Variants in TMTC1 observed in about 807,000 individuals in gnomAD.
TMTC1 encodes protein O-mannosyl-transferase TMTC1.
Under a neutral mutation model 104.8 loss-of-function variants are expected in TMTC1, and 73 were observed. The observed-to-expected ratio is 0.70, with a 90% CI of 0.58 to 0.85. The LOEUF (loss-of-function observed/expected upper bound fraction) is 0.85. TMTC1 is among the 40% of genes least tolerant of loss of function. The probability of loss-of-function intolerance (pLI) is 0.00; values close to 1 mark genes in which losing one functional copy is unlikely to be tolerated. For missense variants in TMTC1, 1,035 were observed against 1,096.1 expected (o/e 0.94, Z 0.79); for synonymous variants, 434 against 428.7 (o/e 1.01, Z -0.15).
At chr12:29,623,121 T>C (rs11050322) in intron 6 of TMTC1, among the ~76,000 whole-genome samples, 47,679 of 152,084 alleles carry the variant, frequency 0.31, 7,649 homozygotes, top group South Asian at 0.44. Flanking sequence ...GTCTGCAATG[T>C]GTAATGGTGT....
chr12:29,770,254 GGTA>G (rs1252823568), intron 1 of TMTC1, among the ~76,000 whole-genome samples: 1 of 152,048 alleles, frequency 6.6e-6, no homozygotes, highest in Non-Finnish European at 1.5e-5. Context: ...ACTCTTATCA[GGTA>G]TTTAACATAT....
At position 29,549,441 on chromosome 12, in the gene TMTC1, C is replaced by A. The variant is rs1348444781; in HGVS notation, c.1676+7416G>T. On this transcript the variant is annotated intron_variant, in intron 10 of 17. Coordinates refer to ENST00000539277, the MANE Select transcript of TMTC1 (RefSeq NM_001193451.2). The stretch of plus-strand genomic sequence containing the variant: ...TTTCTGGGGTGATGGAAATTGTCTA[C>A]GTTATTTTGGGAATAATTATAAGAG... Among the ~76,000 whole-genome samples, 3 of 152,044 alleles carry A rather than the reference C, an allele frequency of 2.0e-5. No homozygotes were observed. The South Asian group carries it at 6.2e-4, about 32-fold the overall frequency.
At chr12:29,756,019 T>A in intron 3 of TMTC1, 134 bp from the exon 4 acceptor site, 1 of 900,496 alleles carries the variant, frequency 1.1e-6, no homozygotes, top group Non-Finnish European at 1.6e-6. Context: ...AGAGATTTCT[T>A]AAAGAGCCTT....
chr12:29,646,397 G>A (rs1355430569), intron 5 of TMTC1, among the ~76,000 whole-genome samples: 1 of 152,092 alleles, frequency 6.6e-6, no homozygotes, highest in Non-Finnish European at 1.5e-5. Context: ...AATGTTAGCA[G>A]AAAATAAAAG....
intron 3 of TMTC1, 31 bp downstream of exon 3, chr12:29,758,673 C>A (rs1243464976): frequency 6.2e-7 from 1 of 1,606,318 alleles, no homozygotes; most frequent in Non-Finnish European, 8.5e-7. Flanking sequence ...CAGTTGCGAT[C>A]ACAGAGAAGG....
At chr12:29,643,171 G>A (rs556544882) in intron 5 of TMTC1, among the ~76,000 whole-genome samples, 2 of 151,972 alleles carry the variant, frequency 1.3e-5, no homozygotes, top group Non-Finnish European at 2.9e-5. Context: ...GTGGTGAACA[G>A]GGAACACTTC....
intron 5 of TMTC1, among the ~76,000 whole-genome samples, chr12:29,671,031 C>G (rs1386514533): frequency 6.6e-6 from 1 of 151,000 alleles, no homozygotes; most frequent in African/African-American, 2.4e-5. Context: ...CAGTGGCTTA[C>G]GCCTGTAATC....
At chr12:29,541,983 T>C (rs1944813884) in intron 10 of TMTC1, among the ~76,000 whole-genome samples, 1 of 152,124 alleles carries the variant, frequency 6.6e-6, no homozygotes, top group Non-Finnish European at 1.5e-5. Flanking sequence ...ATCTAATAAT[T>C]ATCATACCTA....
chr12:29,661,593 ATT>A (rs1462817038), intron 5 of TMTC1, among the ~76,000 whole-genome samples: 2 of 51,628 alleles, frequency 3.9e-5, no homozygotes, highest in East Asian at 7.9e-4. Context: ...GTATTTTTGT[ATT>A]TTTAGTATTT....
At chr12:29,513,740 T>G (rs1018114732) in intron 16 of TMTC1, among the ~76,000 whole-genome samples, 8 of 152,228 alleles carry the variant, frequency 5.3e-5, no homozygotes, top group African/African-American at 1.9e-4. Context: ...ATAAGTTTTA[T>G]TCCAAAACCA....
At chr12:29,662,534 C>T (rs886073568) in intron 5 of TMTC1, among the ~76,000 whole-genome samples, 11 of 151,994 alleles carry the variant, frequency 7.2e-5, no homozygotes, top group Admixed American at 2.0e-4. Flanking sequence ...CCTGTAGTCC[C>T]AGCTACTCGG....
chr12:29,771,365 G>A (rs533466945), intron 1 of TMTC1, among the ~76,000 whole-genome samples: 1 of 152,226 alleles, frequency 6.6e-6, no homozygotes, highest in East Asian at 1.9e-4. Context: ...ATAGGTCATT[G>A]CCCTATGTAC....
intron 6 of TMTC1, among the ~76,000 whole-genome samples, chr12:29,627,481 G>C (rs534625757): frequency 6.6e-6 from 1 of 152,300 alleles, no homozygotes; most frequent in African/African-American, 2.4e-5. Flanking sequence ...TTGGGATGTA[G>C]AGAAATAGGA....
At chr12:29,623,703 C>T (rs1224291397) in intron 6 of TMTC1, among the ~76,000 whole-genome samples, 1 of 152,156 alleles carries the variant, frequency 6.6e-6, no homozygotes, top group Non-Finnish European at 1.5e-5. Flanking sequence ...ATTCCATCTA[C>T]TCAGGAGGCT....
intron 5 of TMTC1, among the ~76,000 whole-genome samples, chr12:29,699,649 CTTTTTTT>C (rs71444337): frequency 1.2e-5 from 1 of 86,876 alleles, no homozygotes; most frequent in East Asian, 3.6e-4. Context: ...TCATCTGGTG[CTTTTTTT>C]TTTTTTTTTT....
intron 15 of TMTC1, among the ~76,000 whole-genome samples, chr12:29,515,429 C>T (rs1311756664): frequency 2.0e-5 from 3 of 152,242 alleles, no homozygotes; most frequent in Non-Finnish European, 2.9e-5. Context: ...TGCGTTCCTA[C>T]GGTGCTCCTG....
In TMTC1 at chr12:29,783,565, C is replaced by T. The variant is rs1204335569; in HGVS notation, c.187G>A (p.Val63Met). ...CAGCGGAGCGGGGCGCCGGGCCGCA[C>T]GTCGGGGTTGTTCACGATCGCCCAC... ...DVWAIVNNPDVRPGAPLRWGI... is the reference protein window; with the variant it reads ...DVWAIVNNPDMRPGAPLRWGI... The change falls in exon 1 of 18, where the codon GTG becomes ATG. Residue 63 changes from valine (V) to methionine (M), a missense_variant. Physicochemically the swap from Val to Met is conservative, Grantham distance 21. Transcript: ENST00000539277. This position sits in a 1 kb window ranked among gnomAD's most constrained non-coding sequence, Gnocchi z 4.7. 1.4e-6 allele frequency: 2 copies of T among 1,480,762 alleles called. No homozygotes were observed. The highest frequency in any genetic ancestry group is 1.8e-6 in the Non-Finnish European group (2 of 1,119,014). 91.7% of individuals were successfully genotyped at this position (1,480,762 alleles called of 1,614,324 possible).
chr12:29,671,416 C>A (rs1475717065), intron 5 of TMTC1, among the ~76,000 whole-genome samples: 4 of 152,094 alleles, frequency 2.6e-5, no homozygotes, highest in African/African-American at 9.7e-5. Flanking sequence ...AATTTGACAA[C>A]CAAAATGTTG....
At chr12:29,680,242 G>C (rs1940868388) in intron 5 of TMTC1, among the ~76,000 whole-genome samples, 1 of 141,984 alleles carries the variant, frequency 7.0e-6, no homozygotes, top group Non-Finnish European at 1.6e-5. Context: ...TATTTTAAAA[G>C]ATAATTGATT....
Sources: allele counts gnomAD v4.1 joint callset (sites outside exome capture counted in the v4.1 genomes callset), GRCh38; gene constraint gnomAD v4.1.1; non-coding constraint Gnocchi (gnomAD v3.1); transcripts MANE v1.5; gene names NCBI Gene and HGNC (gene_info 2026-07-23, HGNC 2026-07-21).